ARMC6: variants seen among roughly 807,000 people sequenced by gnomAD.
ARMC6 encodes armadillo repeat containing 6, also known as armadillo repeat-containing protein 6.
Under a neutral mutation model 49.2 loss-of-function variants are expected in ARMC6, and 43 were observed. The ratio of observed to expected loss-of-function variants is 0.87; its 90% CI spans 0.69 to 1.13. ARMC6 has a LOEUF of 1.13. Ranked by LOEUF, ARMC6 falls within the 50% of genes most tolerant of loss-of-function variation. ARMC6 has a pLI of 0.00. For synonymous variants in ARMC6, 262 were observed against 289.6 expected, an observed-to-expected ratio of 0.90 and a Z score of 0.97; for missense variants, 627 against 682.0, an observed-to-expected ratio of 0.92 and a Z score of 0.90.
At chr19:19,051,127 C>T (rs1040007763) in intron 4 of ARMC6, among the ~76,000 whole-genome samples, 1 of 152,170 alleles carries the variant, frequency 6.6e-6, no homozygotes, top group Non-Finnish European at 1.5e-5. Flanking sequence ...GTGGCTTTCT[C>T]CTTCCTTGGA....
rs374691494 is a variant in ARMC6 at position 19,039,261 on chromosome 19, A to G, written c.30-3450A>G. 1.6e-5 allele frequency: 6 copies of G among 377,540 alleles called. No individual in the cohort carries two copies. The East Asian group carries it at 5.4e-4, about 34-fold the overall frequency. The allele number at this position is 377,540 out of a possible 1,614,324, so 23.4% of individuals were successfully genotyped here. ...ATGATCCTCCTGCTTCAGCCTCCCG[A>G]GTAACTTCAACCACACGCAAATGCC... On this transcript the variant is annotated intron_variant, in intron 2 of 8. Transcript: ENST00000535612.
intron 2 of ARMC6, chr19:19,039,388 T>C: frequency 2.2e-6 from 1 of 454,696 alleles, no homozygotes; most frequent in South Asian, 1.6e-5. Context: ...CCTCCCACCT[T>C]GGCCTCCTAA....
intron 4 of ARMC6, among the ~76,000 whole-genome samples, chr19:19,048,945 A>G (rs1235286647): frequency 2.0e-5 from 3 of 152,216 alleles, no homozygotes; most frequent in Non-Finnish European, 4.4e-5. Flanking sequence ...GCAGGAAGAT[A>G]AAATGAGACA....
In ARMC6 at chr19:19,055,129, C is replaced by G; in HGVS notation, c.1024-136C>G. The G allele has an allele frequency of 8.6e-7, 1 of 1,159,130 alleles. No homozygotes were observed. The highest frequency in any genetic ancestry group is 1.2e-6 in the Non-Finnish European group (1 of 850,762). The allele number at this position is 1,159,130 out of a possible 1,614,324, so 71.8% of individuals were successfully genotyped here. Reference sequence around the variant, plus strand: ...AGCCTGAGCCACAGGCATCTGCCACCCCTTCTCGTTAGTCACACCCTGCAG... The same window carrying G: ...AGCCTGAGCCACAGGCATCTGCCACGCCTTCTCGTTAGTCACACCCTGCAG... On this transcript the variant is annotated intron_variant, in intron 6 of 8. Coordinates refer to ENST00000535612, the MANE Select transcript of ARMC6 (RefSeq NM_001199196.2). The surrounding 1 kb of genome is among the most constrained non-coding windows in gnomAD (Gnocchi z 5.7).
intron 4 of ARMC6, among the ~76,000 whole-genome samples, chr19:19,046,071 G>T (rs573454828): frequency 3.3e-5 from 5 of 152,348 alleles, no homozygotes; most frequent in African/African-American, 7.2e-5. Flanking sequence ...AGGTCAGCTG[G>T]TGAGAGGCAG....
At chr19:19,034,680 C>T (rs2059330619) in intron 2 of ARMC6, among the ~76,000 whole-genome samples, 1 of 152,130 alleles carries the variant, frequency 6.6e-6, no homozygotes, top group Non-Finnish European at 1.5e-5. Flanking sequence ...CCTCCACCTC[C>T]CGGGTTCAAG....
At chr19:19,037,777 T>C in intron 2 of ARMC6, 3 of 830,702 alleles carry the variant, frequency 3.6e-6, no homozygotes, top group Non-Finnish European at 4.7e-6. Flanking sequence ...CTAAGGCCTG[T>C]TCCTCCTTTT....
chr19:19,034,080 C>T (rs2059310918), intron 1 of ARMC6, 51 bp from the exon 2 acceptor site: 1 of 669,234 alleles, frequency 1.5e-6, no homozygotes, highest in Non-Finnish European at 2.6e-6. Flanking sequence ...ACAAAATCCT[C>T]GGCTTCCCTG....
chr19:19,042,414 T>G (rs1024238059), intron 2 of ARMC6, among the ~76,000 whole-genome samples: 4 of 151,490 alleles, frequency 2.6e-5, no homozygotes, highest in African/African-American at 9.7e-5. Flanking sequence ...AGTAGTGTGA[T>G]CATGGCTCAC....
intron 4 of ARMC6, among the ~76,000 whole-genome samples, chr19:19,044,727 C>T (rs901556282): frequency 4.6e-5 from 7 of 152,230 alleles, no homozygotes; most frequent in Non-Finnish European, 1.0e-4. Flanking sequence ...GTCCAAACAA[C>T]ACCTGCAAGG....
rs141835342 is a variant in ARMC6 at position 19,054,313 on chromosome 19, G to A, written c.1015G>A (p.Gly339Ser). Residue 339 changes from glycine (G) to serine (S), a missense_variant, in exon 6 of 9, where the codon GGC becomes AGC. Physicochemically the swap from Gly to Ser is moderately conservative, Grantham distance 56. Transcript: ENST00000535612. ...CNDHQMRDQS[G>S]VQELVKQVLS... Reference sequence around the variant, plus strand: ...TGACCACCAGATGAGGGACCAGAGCGGCGTTCAGGTATGAAGTCCCCCTGG... The same window carrying A: ...TGACCACCAGATGAGGGACCAGAGCAGCGTTCAGGTATGAAGTCCCCCTGG... 1.5e-5 allele frequency: 24 copies of A among 1,582,516 alleles called. No homozygotes were observed. In the African/African-American group the frequency reaches 1.6e-4, roughly 11 times the overall value.
chr19:19,045,247 A>G, intron 4 of ARMC6, among the ~76,000 whole-genome samples: 1 of 152,004 alleles, frequency 6.6e-6, no homozygotes. Context: ...TCCTGACCTC[A>G]GGTTATCTGC....
intron 5 of ARMC6, 21 bp downstream of exon 5, chr19:19,052,216 C>T (rs760269589): frequency 3.7e-5 from 57 of 1,556,100 alleles, no homozygotes; most frequent in Middle Eastern, 1.7e-4. Context: ...GGGGCCGACA[C>T]GAGCCAGCGA....
chr19:19,051,527 A>C, intron 4 of ARMC6, 95 bp from the exon 5 acceptor site: 1 of 1,196,874 alleles, frequency 8.4e-7, no homozygotes. Flanking sequence ...CCCAGATCCC[A>C]GGGGAGGGAA....
chr19:19,052,297 C>T (rs2059504672), intron 5 of ARMC6, 102 bp downstream of exon 5: 2 of 1,111,378 alleles, frequency 1.8e-6, no homozygotes, highest in Non-Finnish European at 2.5e-6. Flanking sequence ...ACGGCAGGCT[C>T]AAGGCTCCAC....
chr19:19,049,850 C>G (rs554359033), intron 4 of ARMC6, among the ~76,000 whole-genome samples: 1 of 152,204 alleles, frequency 6.6e-6, no homozygotes, highest in African/African-American at 2.4e-5. Flanking sequence ...ATGGTGAAAC[C>G]CTGTCTCCAC....
rs141277099 is a variant in ARMC6 at position 19,052,000 on chromosome 19, G to A, written c.658G>A (p.Gly220Ser). The change falls in exon 5 of 9, where the codon GGC becomes AGC. Residue 220 changes from glycine (G) to serine (S), a missense_variant. Gly to Ser is a moderately conservative substitution (Grantham distance 56). Coordinates refer to ENST00000535612, the MANE Select transcript of ARMC6 (RefSeq NM_001199196.2). ...GAATCGGCAAGACCTGGTGAAAGCTGGCGTGCTGCCTCTGCTGACTGGTGC... is the reference window on the plus strand; with the variant it reads ...GAATCGGCAAGACCTGGTGAAAGCTAGCGTGCTGCCTCTGCTGACTGGTGC... Reference protein sequence around the residue: ...EQNRQDLVKAGVLPLLTGAIT... With the variant: ...EQNRQDLVKASVLPLLTGAIT... 8 of 1,613,972 alleles carry A rather than the reference G, an allele frequency of 5.0e-6. No individual in the cohort carries two copies. In the African/African-American group the frequency reaches 9.3e-5, roughly 19 times the overall value.
intron 8 of ARMC6, among the ~76,000 whole-genome samples, chr19:19,056,775 GCATAGGATTCTTGGACA>G (rs748378913): frequency 2.6e-5 from 4 of 152,142 alleles, no homozygotes; most frequent in Non-Finnish European, 5.9e-5. Context: ...CTCACTCCCA[GCATAGGATTCTTGGACA>G]CACCAGGCTG....
intron 2 of ARMC6, chr19:19,037,509 G>A (rs2059380334): frequency 6.1e-6 from 3 of 492,552 alleles, no homozygotes; most frequent in Non-Finnish European, 7.4e-6. Flanking sequence ...TGTAACTACA[G>A]GTGCATGCTC....
Sources: gnomAD v4.1 joint callset for allele counts (sites outside exome capture counted in the v4.1 genomes callset) on GRCh38, gnomAD v4.1.1 for gene constraint, Gnocchi (gnomAD v3.1) non-coding constraint, MANE v1.5 for transcripts, NCBI Gene and HGNC (gene_info 2026-07-23, HGNC 2026-07-21) for gene names.